The following DNAH9 variants were observed in gnomAD, a reference collection of about 807,000 sequenced individuals.
The protein encoded by DNAH9 is DNAH9 variant protein.
In DNAH9, 345 loss-of-function variants were observed where a neutral mutation model predicts 471.6. The ratio of observed to expected loss-of-function variants is 0.73; its 90% CI spans 0.67 to 0.80. DNAH9 has a LOEUF of 0.80. DNAH9 is among the 30% of genes least tolerant of loss of function. The pLI is 0.00. For missense variants in DNAH9, 5,407 were observed against 5,609.2 expected (o/e 0.96, Z 1.15); for synonymous variants, 2,093 against 2,123.6 (o/e 0.99, Z 0.40).
At position 11,902,771 on chromosome 17, in the gene DNAH9, C is replaced by T; in HGVS notation, c.11459C>T (p.Ser3820Phe). The T allele has an allele frequency of 1.2e-6, 2 of 1,614,050 alleles. No individual in the cohort carries two copies. The highest frequency in any genetic ancestry group is 1.7e-6 in the Non-Finnish European group (2 of 1,179,900). Residue 3820 changes from serine to phenylalanine, a missense_variant, in exon 60 of 69, where the codon TCT becomes TTT. Coordinates refer to ENST00000262442, the MANE Select transcript of DNAH9 (RefSeq NM_001372.4). ...FSNLDRDIEG[S>F]AKSWKKFVES... ...AATCTGGATCGGGACATAGAGGGAT[C>T]TGCTAAGAGCTGGAAAAAGTTTGTG... is the stretch of plus-strand genomic sequence containing the variant.
rs148542793 is a variant in DNAH9 at position 11,703,201 on chromosome 17, G to C, written c.5152-1002G>C. On this transcript the variant is annotated intron_variant, in intron 24 of 68. Transcript: ENST00000262442. ...AGGAGAAAGGAGTCCACACTGCAGAGAAGAAGAGGTGTTTATTAATAGTAG... is the reference window on the plus strand; with the variant it reads ...AGGAGAAAGGAGTCCACACTGCAGACAAGAAGAGGTGTTTATTAATAGTAG... Among the ~76,000 whole-genome samples, 626 of 152,210 alleles carry C rather than the reference G, an allele frequency of 4.1e-3. 2 individuals are homozygous for C. Among genetic ancestry groups the C allele is most frequent in the Admixed American group, 8.2e-3 (125 of 15,288 alleles).
At chr17:11,730,924 GT>G (rs2075250439) in intron 28 of DNAH9, among the ~76,000 whole-genome samples, 1 of 150,726 alleles carries the variant, frequency 6.6e-6, no homozygotes, top group Non-Finnish European at 1.5e-5. Flanking sequence ...AATGATGATG[GT>G]GGTGGTGGTG....
At chr17:11,694,222 T>G in intron 21 of DNAH9, 99 bp from the exon 22 acceptor site, 3 of 1,380,604 alleles carry the variant, frequency 2.2e-6, no homozygotes, top group South Asian at 1.3e-5. Flanking sequence ...TGCTAATGCA[T>G]ATGTTCCGTC....
intron 11 of DNAH9, among the ~76,000 whole-genome samples, chr17:11,646,406 A>G (rs1271458006): frequency 2.6e-5 from 4 of 152,154 alleles, no homozygotes; most frequent in African/African-American, 7.2e-5. Flanking sequence ...CATCATTTGT[A>G]TCCCCGAAGT....
chr17:11,671,196 G>C (rs2073965952), intron 17 of DNAH9, among the ~76,000 whole-genome samples: 1 of 152,164 alleles, frequency 6.6e-6, no homozygotes, highest in Non-Finnish European at 1.5e-5. Context: ...GTAATTCAAG[G>C]ATAAGCAGCA....
chr17:11,620,592 A>G (rs2072837910), intron 6 of DNAH9, among the ~76,000 whole-genome samples: 1 of 152,076 alleles, frequency 6.6e-6, no homozygotes, highest in Admixed American at 6.6e-5. Flanking sequence ...TGGTTATAGT[A>G]GAAGTTTAGG....
At chr17:11,679,035 A>G (rs958148504) in intron 17 of DNAH9, among the ~76,000 whole-genome samples, 2 of 151,886 alleles carry the variant, frequency 1.3e-5, no homozygotes, top group African/African-American at 4.8e-5. Context: ...CCATTTTTAG[A>G]TCTTCTACTC....
intron 50 of DNAH9, among the ~76,000 whole-genome samples, chr17:11,859,612 GT>G (rs1971768835): frequency 6.6e-6 from 1 of 152,160 alleles, no homozygotes; most frequent in Non-Finnish European, 1.5e-5. Flanking sequence ...TCGGCTCACA[GT>G]TCTGCAGGTT....
intron 29 of DNAH9, among the ~76,000 whole-genome samples, chr17:11,741,420 AG>A: frequency 6.6e-6 from 1 of 152,318 alleles, no homozygotes; most frequent in African/African-American, 2.4e-5. Context: ...TGCTATCGAA[AG>A]TAATGGCACA....
At chr17:11,964,149 AG>A (rs1248335997) in intron 68 of DNAH9, among the ~76,000 whole-genome samples, 1 of 152,240 alleles carries the variant, frequency 6.6e-6, no homozygotes, top group African/African-American at 2.4e-5. Context: ...ACAGTAAAGT[AG>A]GGTAATGTTT....
At chr17:11,713,875 AT>A (rs2150793016) in intron 26 of DNAH9, among the ~76,000 whole-genome samples, 1 of 152,344 alleles carries the variant, frequency 6.6e-6, no homozygotes, top group East Asian at 1.9e-4. Context: ...AAGTGTAATT[AT>A]AACTACTCAA....
At chr17:11,865,080 T>G (rs1189727301) in intron 50 of DNAH9, among the ~76,000 whole-genome samples, 3 of 152,262 alleles carry the variant, frequency 2.0e-5, no homozygotes, top group East Asian at 1.9e-4. Context: ...GTTAGCTGGT[T>G]ATTTTGCTCG....
intron 43 of DNAH9, among the ~76,000 whole-genome samples, chr17:11,805,240 G>T (rs1044694001): frequency 6.6e-6 from 1 of 152,048 alleles, no homozygotes; most frequent in African/African-American, 2.4e-5. Context: ...CAAGAAATTT[G>T]CAGAAATAAG....
rs756592834 is a variant in DNAH9 at position 11,934,961 on chromosome 17, CTTTCT to C, written c.12489+904_12489+908del. ...GCCACAGTCAGCATTCTCATGAAGG[CTTTCT>C]TTTCTTTTCTTTTATGAGACGGAGT... On this transcript the variant is annotated intron_variant, in intron 65 of 68. Coordinates refer to ENST00000262442, the MANE Select transcript of DNAH9 (RefSeq NM_001372.4). Among the ~76,000 whole-genome samples the C allele has an allele frequency of 1.4e-4, 22 of 152,124 alleles. No individual in the cohort carries two copies. In the South Asian group the frequency reaches 1.9e-3, roughly 13 times the overall value.
intron 14 of DNAH9, among the ~76,000 whole-genome samples, chr17:11,657,196 G>T (rs2073668182): frequency 6.6e-6 from 1 of 152,132 alleles, no homozygotes; most frequent in South Asian, 2.1e-4. Flanking sequence ...GTGTAATAAA[G>T]TTCAGTTGCT....
chr17:11,949,552 G>A (rs1975283145), intron 67 of DNAH9, among the ~76,000 whole-genome samples: 1 of 151,732 alleles, frequency 6.6e-6, no homozygotes, highest in Admixed American at 6.6e-5. Flanking sequence ...CGCAATCTCA[G>A]CTCACCGCAA....
At chr17:11,686,464 T>C (rs921309893) in intron 19 of DNAH9, among the ~76,000 whole-genome samples, 2 of 152,146 alleles carry the variant, frequency 1.3e-5, no homozygotes, top group African/African-American at 2.4e-5. Context: ...CCCCAGAGTT[T>C]AGAGGATGGC....
chr17:11,690,569 A>C (rs868851187), intron 20 of DNAH9, 133 bp downstream of exon 20: 2 of 783,584 alleles, frequency 2.6e-6, no homozygotes, highest in African/African-American at 1.8e-5. Context: ...GGCACTTCCC[A>C]CAGATGCTCA....
chr17:11,956,408 CCTCT>C (rs766861667), intron 67 of DNAH9, among the ~76,000 whole-genome samples: 1 of 151,948 alleles, frequency 6.6e-6, no homozygotes, highest in Non-Finnish European at 1.5e-5. Context: ...TTTCAAAACT[CCTCT>C]CTCAATATTT....
Sources: gnomAD v4.1 joint callset for allele counts (sites outside exome capture counted in the v4.1 genomes callset) on GRCh38, gnomAD v4.1.1 for gene constraint, MANE v1.5 for transcripts, NCBI Gene and HGNC (gene_info 2026-07-23, HGNC 2026-07-21) for gene names.